The following IL36B variants were observed in gnomAD, a reference collection of about 807,000 sequenced individuals.
IL36B encodes interleukin-36 beta.
A neutral mutation model predicts 19.3 loss-of-function variants in IL36B; 23 were observed. That is an observed-to-expected ratio of 1.19 (90% confidence interval 0.86 to 1.69). IL36B has a LOEUF of 1.69. IL36B is among the 40% of genes most tolerant of loss of function. IL36B has a pLI of 0.00. For missense variants in IL36B, 217 were observed against 200.5 expected, an observed-to-expected ratio of 1.08 and a Z score of -0.50; for synonymous variants, 59 against 59.7, an observed-to-expected ratio of 0.99 and a Z score of 0.05.
At chr2:113,035,471 G>A (rs765299186) in intron 1 of IL36B, among the ~76,000 whole-genome samples, 21 of 151,866 alleles carry the variant, frequency 1.4e-4, no homozygotes, top group Admixed American at 1.3e-4. Flanking sequence ...TGATCCATTC[G>A]CCTATGCCCA....
At chr2:113,026,727 T>C (rs931716690) in intron 4 of IL36B, among the ~76,000 whole-genome samples, 2 of 152,092 alleles carry the variant, frequency 1.3e-5, no homozygotes, top group African/African-American at 2.4e-5. Flanking sequence ...TTCCAGAAAA[T>C]ATGAATAATA....
intron 3 of IL36B, among the ~76,000 whole-genome samples, chr2:113,029,337 G>A (rs1685025568): frequency 6.6e-6 from 1 of 152,136 alleles, no homozygotes; most frequent in African/African-American, 2.4e-5. Context: ...CTTAAGATGT[G>A]GCCCATGAGA....
At chr2:113,027,737 C>T in intron 4 of IL36B, 2 of 1,440,388 alleles carry the variant, frequency 1.4e-6, no homozygotes, top group Non-Finnish European at 1.8e-6. Context: ...GGTCTTGGTA[C>T]AGAAATGGAT....
chr2:113,029,743 C>T (rs935060231), intron 3 of IL36B, among the ~76,000 whole-genome samples: 11 of 152,064 alleles, frequency 7.2e-5, no homozygotes, highest in Non-Finnish European at 1.2e-4. Context: ...GAAGTGTAAA[C>T]GGCAGAGTGA....
intron 1 of IL36B, among the ~76,000 whole-genome samples, chr2:113,036,163 C>G (rs1304716324): frequency 1.3e-5 from 2 of 152,050 alleles, no homozygotes; most frequent in South Asian, 4.2e-4. Context: ...CCAGCCTGGT[C>G]TTGAATTCCT....
chr2:113,025,353 A>G (rs1684938869), intron 5 of IL36B, among the ~76,000 whole-genome samples: 1 of 152,192 alleles, frequency 6.6e-6, no homozygotes, highest in Non-Finnish European at 1.5e-5. Context: ...ATATAATGCA[A>G]GATTCTCCCT....
chr2:113,037,699 C>T (rs923173231), intron 1 of IL36B, among the ~76,000 whole-genome samples: 17 of 151,164 alleles, frequency 1.1e-4, no homozygotes, highest in African/African-American at 4.1e-4. Context: ...TTTGTACAGT[C>T]TTTATACCAT....
chr2:113,046,486 G>T (rs1432945714), intron 1 of IL36B, among the ~76,000 whole-genome samples: 1 of 152,132 alleles, frequency 6.6e-6, no homozygotes, highest in Non-Finnish European at 1.5e-5. Flanking sequence ...GGGATTACAG[G>T]CGTGAGCCAC....
Position 113,027,282 on chromosome 2 carries a change from G to C in IL36B, c.262-1050C>G, listed in dbSNP as rs567134152. Reference sequence around the variant, plus strand: ...AGGCAGAAGAGGTGGAGGAGTTAGAGGGGGAGGCAGGAGAAGCAGGGACAT... The same window carrying C: ...AGGCAGAAGAGGTGGAGGAGTTAGACGGGGAGGCAGGAGAAGCAGGGACAT... On this transcript the variant is annotated intron_variant, in intron 4 of 5. Transcript: ENST00000259213. 1.1e-4 allele frequency among the ~76,000 whole-genome samples: 17 copies of C among 152,200 alleles called. No individual in the cohort carries two copies. The East Asian group carries it at 3.3e-3, about 29-fold the overall frequency.
chr2:113,024,156 CCT>C (rs1684911163), intron 5 of IL36B, among the ~76,000 whole-genome samples: 1 of 152,038 alleles, frequency 6.6e-6, no homozygotes, highest in African/African-American at 2.4e-5. Flanking sequence ...GGGTAAACTC[CCT>C]CTCTACCACC....
intron 4 of IL36B, 63 bp from the exon 5 acceptor site, chr2:113,028,178 C>A: frequency 2.3e-6 from 3 of 1,329,654 alleles, no homozygotes; most frequent in Non-Finnish European, 2.2e-6. Context: ...AGTAACTCAG[C>A]TCTGAGTGTG....
At chr2:113,033,504 A>G (rs925981909) in intron 1 of IL36B, among the ~76,000 whole-genome samples, 25 of 152,224 alleles carry the variant, frequency 1.6e-4, no homozygotes, top group Non-Finnish European at 2.9e-5. Context: ...CTCCCAAAGT[A>G]CTAGGATTAC....
chr2:113,024,009 A>G (rs566730956), intron 5 of IL36B, among the ~76,000 whole-genome samples: 1 of 152,172 alleles, frequency 6.6e-6, no homozygotes, highest in African/African-American at 2.4e-5. Context: ...AGGGAAGGAC[A>G]GGGCAGATAT....
At chr2:113,034,896 C>T (rs1259356884) in intron 1 of IL36B, among the ~76,000 whole-genome samples, 1 of 152,178 alleles carries the variant, frequency 6.6e-6, no homozygotes, top group Non-Finnish European at 1.5e-5. Context: ...GGCTCCTTGG[C>T]CAGGGCAGTG....
intron 1 of IL36B, among the ~76,000 whole-genome samples, chr2:113,032,992 TCCTTGGAGGCAGAGGTGTGTCTC>T (rs1685106685): frequency 2.0e-5 from 3 of 152,080 alleles, no homozygotes; most frequent in Admixed American, 6.5e-5. Flanking sequence ...TTACTGGTCT[TCCTTGGAGGCAGAGGTGTGTCTC>T]CCTTGGAGGC....
intron 1 of IL36B, among the ~76,000 whole-genome samples, chr2:113,050,254 C>A (rs4629159): frequency 5.9e-5 from 9 of 151,860 alleles, no homozygotes; most frequent in Non-Finnish European, 1.2e-4. Flanking sequence ...GTACACACAC[C>A]ACACAGCCTT....
At chr2:113,028,671 T>C (rs1028689650) in intron 4 of IL36B, among the ~76,000 whole-genome samples, 1 of 152,142 alleles carries the variant, frequency 6.6e-6, no homozygotes, top group African/African-American at 2.4e-5. Flanking sequence ...GGACCGAGAA[T>C]GGAGAAAATA....
intron 1 of IL36B, among the ~76,000 whole-genome samples, chr2:113,047,917 T>C (rs1157421446): frequency 6.6e-6 from 1 of 151,936 alleles, no homozygotes; most frequent in East Asian, 1.9e-4. Flanking sequence ...TAAAAAATGT[T>C]AACTCAGGAG....
intron 1 of IL36B, among the ~76,000 whole-genome samples, chr2:113,033,812 T>C (rs1685121427): frequency 6.6e-6 from 1 of 152,060 alleles, no homozygotes; most frequent in Admixed American, 6.5e-5. Context: ...AACTTGGAGG[T>C]CTTGTGGCTT....
Sources: allele counts gnomAD v4.1 joint callset (sites outside exome capture counted in the v4.1 genomes callset), GRCh38; gene constraint gnomAD v4.1.1; transcripts MANE v1.5; gene names NCBI Gene and HGNC (gene_info 2026-07-23, HGNC 2026-07-21).